The following EYA2 variants were observed in gnomAD, a reference collection of about 807,000 sequenced individuals.
EYA2 encodes EYA transcriptional coactivator and phosphatase 2.
A neutral mutation model predicts 69.2 loss-of-function variants in EYA2; 31 were observed. The ratio of observed to expected loss-of-function variants is 0.45; its 90% CI spans 0.34 to 0.60. The LOEUF (loss-of-function observed/expected upper bound fraction) is 0.60, where lower values mean the gene tolerates loss of function less well. Among genes scored for constraint, EYA2 ranks in the 20% least tolerant of loss-of-function variants. EYA2 has a pLI of 0.02. For synonymous variants in EYA2, 257 were observed against 279.4 expected (o/e 0.92, Z 0.80); for missense variants, 622 against 701.2 (o/e 0.89, Z 1.28).
intron 5 of EYA2, among the ~76,000 whole-genome samples, chr20:47,060,600 G>T (rs1600678484): frequency 2.6e-5 from 4 of 152,336 alleles, no homozygotes; most frequent in Admixed American, 2.6e-4. Flanking sequence ...ATGCCTGTTG[G>T]GAGGCCAAGT....
chr20:47,185,602 A>C (rs890747452), intron 15 of EYA2, among the ~76,000 whole-genome samples: 7 of 152,110 alleles, frequency 4.6e-5, no homozygotes, highest in Admixed American at 2.6e-4. Context: ...ACACTCAGCC[A>C]AATTACACTC....
At chr20:47,044,519 G>T (rs376927578) in intron 5 of EYA2, among the ~76,000 whole-genome samples, 22 of 152,224 alleles carry the variant, frequency 1.4e-4, no homozygotes, top group African/African-American at 4.8e-4. Context: ...GAGTCTTTCG[G>T]GGGGGTGGGG....
At chr20:46,989,521 C>T (rs1238883902) in intron 1 of EYA2, among the ~76,000 whole-genome samples, 5 of 152,206 alleles carry the variant, frequency 3.3e-5, no homozygotes, top group South Asian at 2.1e-4. Context: ...CCCGCCTCAG[C>T]GTCCCAAAGT....
chr20:46,932,934 C>A (rs1314546301), intron 1 of EYA2, among the ~76,000 whole-genome samples: 1 of 152,142 alleles, frequency 6.6e-6, no homozygotes, highest in Admixed American at 6.6e-5. Context: ...ACCACGACCA[C>A]CCCCTCTCTG....
intron 9 of EYA2, among the ~76,000 whole-genome samples, chr20:47,107,701 A>G (rs1270344085): frequency 6.6e-6 from 1 of 151,570 alleles, no homozygotes; most frequent in Non-Finnish European, 1.5e-5. Context: ...AGAAAAAACA[A>G]AAGAGAAGAA....
chr20:47,187,921 GC>G, intron 15 of EYA2, 131 bp from the exon 16 acceptor site: 3 of 848,846 alleles, frequency 3.5e-6, no homozygotes, highest in Non-Finnish European at 5.7e-6. Context: ...AACATCAAGT[GC>G]CCCATAGTTT....
At chr20:46,921,250 G>T (rs1600545226) in intron 1 of EYA2, among the ~76,000 whole-genome samples, 1 of 152,246 alleles carries the variant, frequency 6.6e-6, no homozygotes, top group African/African-American at 2.4e-5. Context: ...GACCAGGCAA[G>T]CACAGATGTT....
At chr20:46,909,377 G>T (rs1984535970) in intron 1 of EYA2, among the ~76,000 whole-genome samples, 1 of 152,168 alleles carries the variant, frequency 6.6e-6, no homozygotes, top group East Asian at 1.9e-4. Flanking sequence ...AGTAAGGAAA[G>T]CTCCAGGAGC....
In EYA2 at chr20:47,016,199, G is replaced by C; in HGVS notation, c.317G>C (p.Ser106Thr). Residue 106 changes from serine (S) to threonine (T), a missense_variant, in exon 5 of 16, where the codon AGC (serine) becomes ACC (threonine). Physicochemically the swap from Ser to Thr is moderately conservative, Grantham distance 58. This residue lies in a region of EYA2 where 365 missense variants were observed against 349.7 expected (regional missense o/e 1.04). Transcript: ENST00000327619. ...IPSYSIKTED[S>T]LNHSPGQSGF... Reference sequence around the variant, plus strand: ...TTCAAAGGCATCAAGACAGAAGACAGCTTGAACCATTCCCCTGGCCAGAGT... The same window carrying C: ...TTCAAAGGCATCAAGACAGAAGACACCTTGAACCATTCCCCTGGCCAGAGT... The C allele has an allele frequency of 6.2e-7, 1 of 1,614,044 alleles. No homozygotes were observed.
intron 1 of EYA2, among the ~76,000 whole-genome samples, chr20:46,914,528 A>G (rs1192140106): frequency 6.6e-6 from 1 of 152,182 alleles, no homozygotes; most frequent in Non-Finnish European, 1.5e-5. Flanking sequence ...GGAAGCAAAC[A>G]CATCCTTCTT....
chr20:47,166,345 T>G (rs1438151741), intron 10 of EYA2, among the ~76,000 whole-genome samples: 1 of 120,430 alleles, frequency 8.3e-6, no homozygotes, highest in African/African-American at 3.3e-5. Flanking sequence ...GGCAGTGAAC[T>G]GAGATTGTGC....
intron 5 of EYA2, among the ~76,000 whole-genome samples, chr20:47,028,466 G>A (rs1173853883): frequency 1.3e-5 from 2 of 152,196 alleles, no homozygotes; most frequent in Non-Finnish European, 2.9e-5. Context: ...AGCAAAGCAG[G>A]TCTACGTGTG....
At chr20:46,915,020 G>A (rs1984834457) in intron 1 of EYA2, among the ~76,000 whole-genome samples, 1 of 152,204 alleles carries the variant, frequency 6.6e-6, no homozygotes, top group African/African-American at 2.4e-5. Flanking sequence ...CTCTACCGGA[G>A]ATGGGAGGCC....
chr20:47,166,393 TAAAAAAAAAAAAAAAAAAAAAAA>T (rs370944686), intron 10 of EYA2, among the ~76,000 whole-genome samples: 11 of 34,522 alleles, frequency 3.2e-4, no homozygotes, highest in East Asian at 1.5e-3. Context: ...CAAGACTGTC[TAAAAAAAAAAAAAAAAAAAAAAA>T]AAAAAAAAAA....
chr20:47,002,971 G>A (rs6066154), intron 3 of EYA2, among the ~76,000 whole-genome samples: 135,050 of 152,270 alleles, frequency 0.89, 60,633 homozygotes, highest in Non-Finnish European at 0.97. Context: ...TTCACCTGCT[G>A]TGAGGCCTCA....
intron 9 of EYA2, among the ~76,000 whole-genome samples, chr20:47,116,170 CTTTTTTTTTTTTTT>C (rs138828415): frequency 1.2e-5 from 1 of 80,038 alleles, no homozygotes; most frequent in Non-Finnish European, 2.3e-5. Context: ...CATCATCCTT[CTTTTTTTTTTTTTT>C]TTTTTTTTTT....
chr20:46,970,961 T>G (rs938306350), intron 1 of EYA2, among the ~76,000 whole-genome samples: 2 of 151,738 alleles, frequency 1.3e-5, no homozygotes, highest in African/African-American at 4.8e-5. Flanking sequence ...GGGAAATAGA[T>G]GGAGTGGAAA....
chr20:47,054,509 G>A (rs1243708774), intron 5 of EYA2, among the ~76,000 whole-genome samples: 2 of 152,100 alleles, frequency 1.3e-5, no homozygotes, highest in Non-Finnish European at 2.9e-5. Context: ...ATGTGTGGGG[G>A]GCTGCTTGAG....
At chr20:46,939,118 TG>T (rs1986044204) in intron 1 of EYA2, among the ~76,000 whole-genome samples, 2 of 152,190 alleles carry the variant, frequency 1.3e-5, no homozygotes, top group Admixed American at 6.5e-5. Context: ...GCCCCAGCCA[TG>T]GGTAGGCTTA....
Sources: allele counts gnomAD v4.1 joint callset (sites outside exome capture counted in the v4.1 genomes callset), GRCh38; gene constraint gnomAD v4.1.1; regional missense constraint gnomAD v4.1.1; transcripts MANE v1.5; gene names NCBI Gene and HGNC (gene_info 2026-07-23, HGNC 2026-07-21).